PLCB3: variants seen among roughly 807,000 people sequenced by gnomAD.
The protein encoded by PLCB3 is phospholipase C beta 3.
In PLCB3, 54 loss-of-function variants were observed where a neutral mutation model predicts 152.1. That is an observed-to-expected ratio of 0.36 (90% CI 0.29 to 0.45). PLCB3 has a LOEUF of 0.45. Ranked by LOEUF, PLCB3 falls within the 20% of genes least tolerant of loss-of-function variation. The pLI is 1.00. For synonymous variants in PLCB3, 717 were observed against 698.7 expected (o/e 1.03, Z -0.41); for missense variants, 1,248 against 1,687.5 (o/e 0.74, Z 4.56).
At position 64,259,165 on chromosome 11, in the gene PLCB3, G is replaced by C. The variant is rs1177048785; in HGVS notation, c.1446G>C (p.Gly482=). 8 of 1,605,316 alleles carry C rather than the reference G, an allele frequency of 5.0e-6. 1 individual carries two copies. The Admixed American group carries it at 1.3e-4, about 27-fold the overall frequency. ...GCGCAGGTGGCCCAGACAGCGCCGG[G>C]CGCAAGCGGCCCCTGGAGCAGAGCA... ...RPSAGGPDSA[G]RKRPLEQSNS... The change falls in exon 13 of 31, where the codon GGG becomes GGC. Residue 482 remains glycine, a synonymous_variant. Transcript: ENST00000279230.
chr11:64,260,759 G>A, intron 14 of PLCB3, among the ~76,000 whole-genome samples: 1 of 110,916 alleles, frequency 9.0e-6, no homozygotes, highest in Non-Finnish European at 1.7e-5. Context: ...GGCTAAAAAG[G>A]GAGACACTAT....
chr11:64,258,509 A>T lies in PLCB3; in HGVS notation c.1049A>T (p.Tyr350Phe). 1.9e-6 allele frequency: 3 copies of T among 1,613,646 alleles called. No individual in the cohort carries two copies. ...QLAGTSSVEM[Y>F]RQALLWGCRC... ...GCTGGGACCTCGTCGGTGGAGATGTACCGCCAGGCACTACTATGGGGCTGC... is the reference window on the plus strand; with the variant it reads ...GCTGGGACCTCGTCGGTGGAGATGTTCCGCCAGGCACTACTATGGGGCTGC... The change falls in exon 11 of 31, where the codon TAC becomes TTC. Residue 350 changes from tyrosine to phenylalanine, a missense_variant. By Grantham distance (22) the Tyr-to-Phe change is conservative (BLOSUM62 3). Transcript: ENST00000279230. The surrounding 1 kb of genome is among the most constrained non-coding windows in gnomAD (Gnocchi z 7.2).
At chr11:64,259,762 A>G (rs2031743892) in intron 13 of PLCB3, among the ~76,000 whole-genome samples, 1 of 151,844 alleles carries the variant, frequency 6.6e-6, no homozygotes, top group Non-Finnish European at 1.5e-5. Context: ...CTACTTCCTG[A>G]CTTCTCACCC....
Position 64,256,419 on chromosome 11 carries a change from G to A in PLCB3, c.742G>A (p.Asp248Asn), listed in dbSNP as rs149333155. The change falls in exon 9 of 31, where the codon GAC (aspartate) becomes AAC (asparagine). Residue 248 changes from aspartate to asparagine, a missense_variant. Asp to Asn is a conservative substitution (Grantham distance 23). Coordinates refer to ENST00000279230, the MANE Select transcript of PLCB3 (RefSeq NM_000932.5). ...KPYLTLEQLM[D>N]FINQKQRDPR... Reference sequence around the variant, plus strand: ...ATACCTGACGCTGGAGCAGCTCATGGACTTCATCAACCAGAAGCAACGCGA... The same window carrying A: ...ATACCTGACGCTGGAGCAGCTCATGAACTTCATCAACCAGAAGCAACGCGA... 2.5e-6 allele frequency: 4 copies of A among 1,613,626 alleles called. No homozygotes were observed. The highest frequency in any genetic ancestry group is 3.4e-6 in the Non-Finnish European group (4 of 1,180,044).
In PLCB3 at chr11:64,265,921, G is replaced by C. The variant is rs750293397; in HGVS notation, c.3071G>C (p.Gly1024Ala). 1 of 1,613,476 alleles carries C rather than the reference G, an allele frequency of 6.2e-7. No individual in the cohort carries two copies. The highest frequency in any genetic ancestry group is 1.7e-5 in the Admixed American group (1 of 60,024). The change falls in exon 26 of 31, where the codon GGG becomes GCG. Residue 1024 changes from glycine (G) to alanine (A), a missense_variant. Around this residue, in one of 6 missense-constraint regions of PLCB3, gnomAD observed 477 missense variants for 489.6 expected, o/e 0.97. Transcript: ENST00000279230. ...GCTGATGTGGAGGACACGAAGGAGG[G>C]GGAGGACGAGGCAAAGCGGTATCAG... Reference protein sequence around the residue: ...GAADVEDTKEGEDEAKRYQEF... With the variant: ...GAADVEDTKEAEDEAKRYQEF...
Position 64,258,412 on chromosome 11 carries a change from G to A in PLCB3, c.1013-61G>A, listed in dbSNP as rs2532580. On this transcript the variant is annotated intron_variant, in intron 10 of 30. Coordinates refer to ENST00000279230, the MANE Select transcript of PLCB3 (RefSeq NM_000932.5). This position sits in a 1 kb window ranked among gnomAD's most constrained non-coding sequence, Gnocchi z 7.2. ...CCAGCATGTCCTGGTTCCAGGTGGG[G>A]CCGGGGTGGTGAGGAGCTGGGCTGG... 6.3e-7 allele frequency: 1 copy of A among 1,575,812 alleles called. No individual in the cohort carries two copies.
downstream of PLCB3, among the ~76,000 whole-genome samples, chr11:64,269,356 G>A (rs574762161): frequency 2.0e-5 from 3 of 152,354 alleles, no homozygotes; most frequent in East Asian, 5.8e-4. Flanking sequence ...ACCAAGAACC[G>A]GCCCGGGTTA....
At position 64,266,339 on chromosome 11, in the gene PLCB3, C is replaced by G; in HGVS notation, c.3291C>G (p.Ile1097Met). ...GGGAGAAGAAGGAGCTGCAGAAGAT[C>G]CTGGACAGAAAGCGCCATAACAGCA... ...NEREKKELQK[I>M]LDRKRHNSIS... The change falls in exon 28 of 31, where the codon ATC (isoleucine) becomes ATG (methionine). Residue 1097 changes from isoleucine (I) to methionine (M), a missense_variant. Coordinates refer to ENST00000279230, the MANE Select transcript of PLCB3 (RefSeq NM_000932.5). This position sits in a 1 kb window ranked among gnomAD's most constrained non-coding sequence, Gnocchi z 4.9. The G allele has an allele frequency of 6.2e-7, 1 of 1,613,118 alleles. No homozygotes were observed. The highest frequency in any genetic ancestry group is 1.7e-5 in the Admixed American group (1 of 59,868).
chr11:64,261,717 G>A, intron 16 of PLCB3, 52 bp downstream of exon 16: 1 of 1,533,536 alleles, frequency 6.5e-7, no homozygotes, highest in Non-Finnish European at 9.0e-7. Context: ...GCGCTCGGAG[G>A]CCGGCTCCGG....
Position 64,255,035 on chromosome 11 carries a change from C to T in PLCB3, c.384C>T (p.Ala128=). The T allele has an allele frequency of 6.4e-7, 1 of 1,568,718 alleles. No homozygotes were observed. Among genetic ancestry groups the T allele is most frequent in the South Asian group, 1.2e-5 (1 of 83,804 alleles). Residue 128 remains alanine (A), a synonymous_variant, in exon 4 of 31, where the codon GCC becomes GCT. Coordinates refer to ENST00000279230, the MANE Select transcript of PLCB3 (RefSeq NM_000932.5). This position sits in a 1 kb window ranked among gnomAD's most constrained non-coding sequence, Gnocchi z 6.8. ...LNFMAVQDDT[A]KVWSEELFKL... is the part of the protein sequence containing the mutation. ...TCATGGCCGTGCAGGATGACACAGC[C>T]AAGGTGGGCTGGCACCAAGGGGACG...
intron 21 of PLCB3, 58 bp downstream of exon 21, chr11:64,263,853 C>T: frequency 2.8e-6 from 4 of 1,426,808 alleles, no homozygotes; most frequent in Non-Finnish European, 3.9e-6. Flanking sequence ...CAAGGGCCAC[C>T]CCCAGGGCCT....
Position 64,258,608 on chromosome 11 carries a change from T to C in PLCB3, c.1148T>C (p.Met383Thr). Reference protein sequence around the residue: ...EEPFITHGFTMTTEVPLRDVL... With the variant: ...EEPFITHGFTTTTEVPLRDVL... ...CCCTTCATTACCCACGGCTTCACCATGACCACAGAGGTGCCTCTGCGCGAC... is the reference window on the plus strand; with the variant it reads ...CCCTTCATTACCCACGGCTTCACCACGACCACAGAGGTGCCTCTGCGCGAC... Residue 383 changes from methionine (M) to threonine (T), a missense_variant, in exon 11 of 31, where the codon ATG becomes ACG. This residue lies in a region of PLCB3 where 122 missense variants were observed against 221.8 expected (regional missense o/e 0.55). Transcript: ENST00000279230. The surrounding 1 kb of genome is among the most constrained non-coding windows in gnomAD (Gnocchi z 7.2). 2 of 1,614,106 alleles carry C rather than the reference T, an allele frequency of 1.2e-6. No individual in the cohort carries two copies. The highest frequency in any genetic ancestry group is 1.7e-6 in the Non-Finnish European group (2 of 1,180,024).
At chr11:64,254,026 C>T (rs552366198) in intron 1 of PLCB3, among the ~76,000 whole-genome samples, 249 of 152,186 alleles carry the variant, frequency 1.6e-3, no homozygotes, top group African/African-American at 5.8e-3. Flanking sequence ...ACAGAGCTCT[C>T]AGCACTTCTG....
chr11:64,268,136 C>T (rs1456380775), downstream of PLCB3, among the ~76,000 whole-genome samples: 1 of 152,164 alleles, frequency 6.6e-6, no homozygotes, highest in Non-Finnish European at 1.5e-5. Flanking sequence ...TTCCCCCATC[C>T]CCATGACTTT....
chr11:64,259,009 G>A, intron 12 of PLCB3, 40 bp downstream of exon 12: 1 of 1,613,022 alleles, frequency 6.2e-7, no homozygotes, highest in Non-Finnish European at 8.5e-7. Context: ...ATGGGGGCCA[G>A]GGTGCTGCGG....
Position 64,264,861 on chromosome 11 carries a change from G to A in PLCB3, c.2653-90G>A, listed in dbSNP as rs1304550299. On this transcript the variant is annotated intron_variant, in intron 22 of 30. Transcript: ENST00000279230. ...GGCTTGGACTAAGGGAGGCTGACAG[G>A]GGTGCTAGGGGACCCAGGAGGTGGT... 64 of 1,260,298 alleles carry A rather than the reference G, an allele frequency of 5.1e-5. 2 individuals are homozygous for A. In the South Asian group the frequency reaches 5.2e-4, roughly 10 times the overall value. The allele number at this position is 1,260,298 out of a possible 1,614,324, so 78.1% of individuals were successfully genotyped here.
rs2031496281 is a variant in PLCB3 at position 64,255,774 on chromosome 11, G to A, written c.651G>A (p.Leu217=). Residue 217 remains leucine, a synonymous_variant, in exon 8 of 31, where the codon CTG becomes CTA. Transcript: ENST00000279230. The surrounding 1 kb of genome is among the most constrained non-coding windows in gnomAD (Gnocchi z 6.8). ...CCTTGGAAATCTTTGAGCGGTTCCT[G>A]AACAAGCTGTGTCTGCGGCCGGACA... ...EFSLEIFERF[L]NKLCLRPDID... is the part of the protein sequence containing the mutation. The A allele has an allele frequency of 6.2e-7, 1 of 1,614,022 alleles. No homozygotes were observed. Among genetic ancestry groups the A allele is most frequent in the Admixed American group, 1.7e-5 (1 of 60,006 alleles).
At position 64,258,681 on chromosome 11, in the gene PLCB3, C is replaced by T. The variant is rs1466109402; in HGVS notation, c.1221C>T (p.Pro407=). ...CTGCCTTCAAGACCTCGCCCTACCC[C>T]GTCATCCTCTCCTTCGAGAACCATG... The part of the protein sequence containing the change: ...AETAFKTSPY[P]VILSFENHVD... Residue 407 remains proline, a synonymous_variant, in exon 11 of 31, where the codon CCC becomes CCT. Coordinates refer to ENST00000279230, the MANE Select transcript of PLCB3 (RefSeq NM_000932.5). The surrounding 1 kb of genome is among the most constrained non-coding windows in gnomAD (Gnocchi z 7.2). The T allele has an allele frequency of 4.3e-6, 7 of 1,613,980 alleles. No homozygotes were observed. The highest frequency in any genetic ancestry group is 5.9e-6 in the Non-Finnish European group (7 of 1,180,012).
intron 8 of PLCB3, 49 bp from the exon 9 acceptor site, chr11:64,256,304 AGGGCAAGGGCTTGGCGACGGGGT>A: frequency 4.3e-5 from 61 of 1,425,200 alleles, no homozygotes; most frequent in Non-Finnish European, 5.9e-5. Context: ...TCCCTTGCCC[AGGGCAAGGGCTTGGCGACGGGGT>A]GGGAGCCCTG....
Sources: gnomAD v4.1 joint callset for allele counts (sites outside exome capture counted in the v4.1 genomes callset) on GRCh38, gnomAD v4.1.1 for gene constraint, gnomAD v4.1.1 regional missense constraint, Gnocchi (gnomAD v3.1) non-coding constraint, MANE v1.5 for transcripts, NCBI Gene and HGNC (gene_info 2026-07-23, HGNC 2026-07-21) for gene names.